Variants in SLC5A11 observed in about 807,000 individuals in gnomAD.
SLC5A11 encodes the protein solute carrier family 5 member 11.
SLC5A11 carries 48 observed loss-of-function variants against 69.8 expected under a neutral mutation model. The ratio of observed to expected loss-of-function variants is 0.69; its 90% CI spans 0.55 to 0.87. The LOEUF is 0.87. SLC5A11 is among the 40% of genes least tolerant of loss of function. The probability of loss-of-function intolerance (pLI) is 0.00; values close to 1 mark genes in which losing one functional copy is unlikely to be tolerated. For synonymous variants in SLC5A11, 319 were observed against 342.4 expected, an observed-to-expected ratio of 0.93 and a Z score of 0.75; for missense variants, 784 against 866.1, an observed-to-expected ratio of 0.91 and a Z score of 1.19.
chr16:24,872,198 A>G, exon 5 of SLC5A11: 1 of 1,614,102 alleles, frequency 6.2e-7, no homozygotes, highest in Non-Finnish European at 8.5e-7. Context: ...GGATCTTCCT[A>G]CCCATCTACA....
In SLC5A11 at chr16:24,847,118, CCTTTCTTTCTTTTTCT is replaced by C. The variant is rs1301937406; in HGVS notation, c.-25+697_-25+712del. 6.6e-5 allele frequency among the ~76,000 whole-genome samples: 10 copies of C among 152,122 alleles called. No individual in the cohort carries two copies. The East Asian group carries it at 1.4e-3, about 21-fold the overall frequency. On this transcript the variant is annotated intron_variant, in intron 1 of 15. Transcript: ENST00000347898. ...AATATCAGTGATTTTCTTTTTCTTT[CCTTTCTTTCTTTTTCT>C]CTTTCTTTCTTTTTCTTTCTTTTCC... is the stretch of plus-strand genomic sequence containing the variant.
At chr16:24,882,086 T>C (rs1009866557) in intron 7 of SLC5A11, among the ~76,000 whole-genome samples, 3 of 152,130 alleles carry the variant, frequency 2.0e-5, no homozygotes, top group East Asian at 1.9e-4. Flanking sequence ...AGCTGATGAA[T>C]GTTGGTGTTC....
intron 10 of SLC5A11, among the ~76,000 whole-genome samples, chr16:24,905,659 CA>C: frequency 6.6e-6 from 1 of 151,580 alleles, no homozygotes. Flanking sequence ...CACACACACA[CA>C]CACACACACA....
At chr16:24,885,426 C>A (rs138444103) in intron 8 of SLC5A11, among the ~76,000 whole-genome samples, 1 of 152,070 alleles carries the variant, frequency 6.6e-6, no homozygotes, top group South Asian at 2.1e-4. Context: ...GCAAGAGGAT[C>A]GCTTGAGCTC....
At chr16:24,878,197 G>A (rs563166814) in intron 7 of SLC5A11, among the ~76,000 whole-genome samples, 18 of 152,270 alleles carry the variant, frequency 1.2e-4, no homozygotes, top group Admixed American at 9.2e-4. Flanking sequence ...CACCACAATG[G>A]CATAATGTTT....
At chr16:24,898,277 T>C (rs1431951259) in intron 10 of SLC5A11, among the ~76,000 whole-genome samples, 168 bp downstream of exon 11, 1 of 152,206 alleles carries the variant, frequency 6.6e-6, no homozygotes, top group Non-Finnish European at 1.5e-5. Flanking sequence ...AGTGGTATGG[T>C]CATAGCTCAC....
intron 4 of SLC5A11, among the ~76,000 whole-genome samples, chr16:24,871,611 A>G (rs1367338310): frequency 6.6e-6 from 1 of 152,098 alleles, no homozygotes; most frequent in African/African-American, 2.4e-5. Flanking sequence ...CATGTACATA[A>G]TAGGCATATT....
chr16:24,881,909 T>C (rs2048071717), intron 7 of SLC5A11, among the ~76,000 whole-genome samples: 2 of 152,134 alleles, frequency 1.3e-5, no homozygotes, highest in African/African-American at 4.8e-5. Context: ...AAATGAGCCT[T>C]ACATTTGTTC....
chr16:24,873,251 A>AGGGAGGAAGGG, intron 5 of SLC5A11, among the ~76,000 whole-genome samples: 1 of 66,136 alleles, frequency 1.5e-5, no homozygotes. Flanking sequence ...GGGAGGGAGG[A>AGGGAGGAAGGG]AGGAAGGAAG....
At chr16:24,882,040 C>G (rs2048082356) in intron 7 of SLC5A11, among the ~76,000 whole-genome samples, 1 of 152,092 alleles carries the variant, frequency 6.6e-6, no homozygotes, top group Admixed American at 6.6e-5. Flanking sequence ...AAGCAATGTG[C>G]CTGGGGCAGG....
At chr16:24,906,595 T>C in intron 10 of SLC5A11, 62 bp from the exon 12 acceptor site, 1 of 1,058,152 alleles carries the variant, frequency 9.5e-7, no homozygotes. Flanking sequence ...GGCCCCATGT[T>C]GCCTGGGCCT....
intron 10 of SLC5A11, among the ~76,000 whole-genome samples, chr16:24,902,846 A>G (rs1486871456): frequency 1.3e-5 from 2 of 152,202 alleles, no homozygotes; most frequent in Non-Finnish European, 2.9e-5. Flanking sequence ...GCCAACAGTC[A>G]TTATTAAATG....
At position 24,884,272 on chromosome 16, in the gene SLC5A11, G is replaced by A. The variant is rs537123644; in HGVS notation, c.664+141G>A. 970 of 715,646 alleles carry A rather than the reference G, an allele frequency of 1.4e-3. 1 individual carries two copies. The highest frequency in any genetic ancestry group is 2.0e-3 in the Non-Finnish European group (855 of 421,220). The allele number at this position is 715,646 out of a possible 1,614,324, so 44.3% of individuals were successfully genotyped here. A position where few individuals can be genotyped will look rare whatever the true frequency, so the allele number is the denominator to read the frequency against. Reference sequence around the variant, plus strand: ...ATTTTTTGTCACAGGTGCTTTGCTTGAGGCACGGTTATTTTAGCTAGAAGA... The same window carrying A: ...ATTTTTTGTCACAGGTGCTTTGCTTAAGGCACGGTTATTTTAGCTAGAAGA... On this transcript the variant is annotated intron_variant, in intron 8 of 15. Transcript: ENST00000347898.
At chr16:24,848,647 C>T (rs2152179188) in intron 1 of SLC5A11, among the ~76,000 whole-genome samples, 1 of 152,186 alleles carries the variant, frequency 6.6e-6, no homozygotes, top group South Asian at 2.1e-4. Context: ...TGGCATGTAC[C>T]TGTGGTCCCA....
chr16:24,908,782 GACC>G, intron 13 of SLC5A11, 96 bp from the exon 15 acceptor site: 1 of 1,106,180 alleles, frequency 9.0e-7, no homozygotes, highest in South Asian at 1.5e-5. Flanking sequence ...TGCTTGCAGT[GACC>G]ACCACAAGAA....
chr16:24,911,056 C>T (rs1171433225), intron 15 of SLC5A11, among the ~76,000 whole-genome samples: 2 of 150,900 alleles, frequency 1.3e-5, no homozygotes, highest in Non-Finnish European at 2.9e-5. Context: ...ATAGTCCCAG[C>T]TACTTGGGAG....
At chr16:24,873,980 C>T (rs532422915) in intron 5 of SLC5A11, among the ~76,000 whole-genome samples, 2 of 152,122 alleles carry the variant, frequency 1.3e-5, no homozygotes, top group East Asian at 3.9e-4. Context: ...GTGCACACCA[C>T]CACGCCCGAC....
At chr16:24,847,012 C>T (rs996403679) in intron 1 of SLC5A11, among the ~76,000 whole-genome samples, 2 of 152,178 alleles carry the variant, frequency 1.3e-5, no homozygotes, top group African/African-American at 2.4e-5. Context: ...GTCTAAGGGT[C>T]ATTAAATAAC....
intron 3 of SLC5A11, among the ~76,000 whole-genome samples, chr16:24,863,791 C>G (rs2046748311): frequency 6.6e-6 from 1 of 152,188 alleles, no homozygotes; most frequent in African/African-American, 2.4e-5. Flanking sequence ...GTTTCCATCT[C>G]TCTCTCTTTA....
Sources: allele counts gnomAD v4.1 joint callset (sites outside exome capture counted in the v4.1 genomes callset), GRCh38; gene constraint gnomAD v4.1.1; transcripts MANE v1.5; gene names NCBI Gene and HGNC (gene_info 2026-07-23, HGNC 2026-07-21).